The following NEGR1 variants were observed in gnomAD, a reference collection of about 807,000 sequenced individuals.
NEGR1 encodes the protein neuronal growth regulator 1, also known as IgLON family member 4.
Under a neutral mutation model 40.9 loss-of-function variants are expected in NEGR1, and 10 were observed. The observed-to-expected ratio is 0.24, with a 90% confidence interval of 0.15 to 0.42. The LOEUF (loss-of-function observed/expected upper bound fraction) is 0.42. Among genes scored for constraint, NEGR1 ranks in the 10% least tolerant of loss-of-function variants. NEGR1 has a pLI of 1.00. For synonymous variants in NEGR1, 185 were observed against 166.8 expected, an observed-to-expected ratio of 1.11 and a Z score of -0.84; for missense variants, 352 against 438.9, an observed-to-expected ratio of 0.80 and a Z score of 1.77.
chr1:71,715,584 T>C (rs1235404715), intron 3 of NEGR1, among the ~76,000 whole-genome samples: 1 of 152,190 alleles, frequency 6.6e-6, no homozygotes, highest in Admixed American at 6.5e-5. Flanking sequence ...CTTGAACACT[T>C]TGCTGCTAGA....
chr1:72,192,571 G>C (rs991222531), intron 1 of NEGR1, among the ~76,000 whole-genome samples: 1 of 151,832 alleles, frequency 6.6e-6, no homozygotes, highest in East Asian at 1.9e-4. Context: ...TACAGTCTAG[G>C]AGGGCATATG....
chr1:71,668,773 A>C (rs1270507049), intron 4 of NEGR1, among the ~76,000 whole-genome samples: 1 of 152,126 alleles, frequency 6.6e-6, no homozygotes, highest in Non-Finnish European at 1.5e-5. Context: ...GCAGGGGAGA[A>C]AGTCTTGCAG....
At chr1:71,982,909 C>G (rs898326609) in intron 1 of NEGR1, among the ~76,000 whole-genome samples, 1 of 152,044 alleles carries the variant, frequency 6.6e-6, no homozygotes, top group Non-Finnish European at 1.5e-5. Flanking sequence ...TATCAGTACA[C>G]ATGGAAAGAT....
intron 4 of NEGR1, among the ~76,000 whole-genome samples, chr1:71,685,621 T>C (rs542318597): frequency 1.3e-5 from 2 of 152,258 alleles, no homozygotes; most frequent in African/African-American, 4.8e-5. Flanking sequence ...CAGGCCGAGG[T>C]TACTTTTCTT....
intron 6 of NEGR1, among the ~76,000 whole-genome samples, chr1:71,418,378 A>G (rs1280664334): frequency 6.6e-6 from 1 of 151,736 alleles, no homozygotes; most frequent in East Asian, 1.9e-4. Context: ...CAGTGGGGCA[A>G]TCTCGGCTCA....
chr1:72,044,508 C>T (rs1229188249), intron 1 of NEGR1, among the ~76,000 whole-genome samples: 1 of 151,676 alleles, frequency 6.6e-6, no homozygotes, highest in Non-Finnish European at 1.5e-5. Context: ...CAACTATATC[C>T]TAAATGCAGA....
At chr1:72,160,740 A>G (rs1005721953) in intron 1 of NEGR1, among the ~76,000 whole-genome samples, 2 of 152,154 alleles carry the variant, frequency 1.3e-5, no homozygotes, top group African/African-American at 4.8e-5. Flanking sequence ...AGAATGCTAA[A>G]AATTACTACT....
chr1:71,581,781 C>A (rs1260943257), intron 6 of NEGR1, among the ~76,000 whole-genome samples: 3 of 151,374 alleles, frequency 2.0e-5, no homozygotes, highest in African/African-American at 7.3e-5. Context: ...CGGCTCACTG[C>A]AGCCTTGACC....
At chr1:71,515,680 A>C (rs1320967776) in intron 6 of NEGR1, among the ~76,000 whole-genome samples, 4 of 130,596 alleles carry the variant, frequency 3.1e-5, no homozygotes, top group Middle Eastern at 3.4e-3. Context: ...TGAGCAAAAT[A>C]ACCAGCTAAC....
At chr1:72,039,611 A>G (rs758955346) in intron 1 of NEGR1, among the ~76,000 whole-genome samples, 2 of 152,046 alleles carry the variant, frequency 1.3e-5, no homozygotes, top group Non-Finnish European at 2.9e-5. Flanking sequence ...CAATATTGGG[A>G]TCAAGAAGAT....
At chr1:71,560,143 C>A (rs1648400763) in intron 6 of NEGR1, among the ~76,000 whole-genome samples, 1 of 151,062 alleles carries the variant, frequency 6.6e-6, no homozygotes, top group Non-Finnish European at 1.5e-5. Context: ...TTTATGAGAA[C>A]TTTTTTGTTC....
intron 1 of NEGR1, among the ~76,000 whole-genome samples, chr1:72,111,779 A>C (rs1649380831): frequency 6.6e-6 from 1 of 151,848 alleles, no homozygotes; most frequent in Non-Finnish European, 1.5e-5. Context: ...CGACTTTGCA[A>C]CTGAGCTTCT....
chr1:72,045,707 T>C (rs149310667), intron 1 of NEGR1, among the ~76,000 whole-genome samples: 4,395 of 151,908 alleles, frequency 0.029, 95 homozygotes, highest in Middle Eastern at 0.051. Flanking sequence ...GTATGTCTTT[T>C]CAGCAGTGTG....
chr1:71,842,416 T>A (rs962334534), intron 2 of NEGR1, among the ~76,000 whole-genome samples: 1 of 152,178 alleles, frequency 6.6e-6, no homozygotes, highest in Non-Finnish European at 1.5e-5. Flanking sequence ...AAGCTGGAGA[T>A]ACATTTTGTT....
chr1:71,703,712 A>G (rs951968706), intron 3 of NEGR1, among the ~76,000 whole-genome samples: 5 of 151,992 alleles, frequency 3.3e-5, no homozygotes, highest in Admixed American at 2.0e-4. Flanking sequence ...TGTTAACTTG[A>G]AGGCAGAGCA....
chr1:71,581,659 T>C (rs1649137828), intron 6 of NEGR1, among the ~76,000 whole-genome samples: 1 of 151,926 alleles, frequency 6.6e-6, no homozygotes, highest in Non-Finnish European at 1.5e-5. Context: ...TAAAGATAAT[T>C]GCATATTTTC....
At chr1:72,248,850 TGG>T (rs1232647547) in intron 1 of NEGR1, among the ~76,000 whole-genome samples, 4 of 152,112 alleles carry the variant, frequency 2.6e-5, no homozygotes, top group Non-Finnish European at 4.4e-5. Context: ...CCCAAAGTGC[TGG>T]GATAACAGGC....
chr1:72,278,160 T>C (rs1003734981), intron 1 of NEGR1, among the ~76,000 whole-genome samples: 1 of 152,142 alleles, frequency 6.6e-6, no homozygotes, highest in Non-Finnish European at 1.5e-5. Context: ...GGATATCACA[T>C]AACTTCCATT....
At chr1:71,778,175 A>C (rs555492193) in intron 2 of NEGR1, among the ~76,000 whole-genome samples, 1 of 150,916 alleles carries the variant, frequency 6.6e-6, no homozygotes, top group African/African-American at 2.4e-5. Flanking sequence ...ATATATATAC[A>C]TATATATATA....
Sources: allele counts gnomAD v4.1 joint callset (sites outside exome capture counted in the v4.1 genomes callset), GRCh38; gene constraint gnomAD v4.1.1; transcripts MANE v1.5; gene names NCBI Gene and HGNC (gene_info 2026-07-23, HGNC 2026-07-21).